Variants in USP32 observed in about 807,000 individuals in gnomAD.
USP32 encodes the protein ubiquitin carboxyl-terminal hydrolase 32.
USP32 carries 59 observed loss-of-function variants against 204.8 expected under a neutral mutation model. The ratio of observed to expected loss-of-function variants is 0.29; its 90% CI spans 0.23 to 0.36. The LOEUF is 0.36. Ranked by LOEUF, USP32 falls within the 10% of genes least tolerant of loss-of-function variation. The pLI is 1.00. For synonymous variants in USP32, 517 were observed against 678.4 expected (o/e 0.76, Z 3.70); for missense variants, 1,160 against 1,946.4 (o/e 0.60, Z 7.60).
In USP32 at chr17:60,219,447, T is replaced by A. The variant is rs1029406770; in HGVS notation, c.1867+223A>T. 2.6e-5 allele frequency: 14 copies of A among 537,946 alleles called. No individual in the cohort carries two copies. The African/African-American group carries it at 2.8e-4, about 11-fold the overall frequency. The allele number at this position is 537,946 out of a possible 1,614,324, so 33.3% of individuals were successfully genotyped here. A position where few individuals can be genotyped will look rare whatever the true frequency, so the allele number is the denominator to read the frequency against. On this transcript the variant is annotated intron_variant, in intron 16 of 33. Coordinates refer to ENST00000300896, the MANE Select transcript of USP32 (RefSeq NM_032582.4). ...TTTGCTTCAACCCCTCATCTAGTCT[T>A]GTGCATGACCATAGTTCTAAGCCCT... is the stretch of plus-strand genomic sequence containing the variant.
intron 20 of USP32, 43 bp from the exon 21 acceptor site, chr17:60,211,161 A>T: frequency 1.2e-6 from 2 of 1,600,206 alleles, no homozygotes; most frequent in Non-Finnish European, 1.7e-6. Context: ...GATTCTCATA[A>T]ATCACAATCA....
Position 60,256,508 on chromosome 17 carries a change from T to A in USP32, c.991-1250A>T, listed in dbSNP as rs567575133. 4.2e-5 allele frequency: 7 copies of A among 167,904 alleles called. No individual in the cohort carries two copies. The South Asian group carries it at 1.3e-3, about 32-fold the overall frequency. The allele number at this position is 167,904 out of a possible 1,614,324, so 10.4% of individuals were successfully genotyped here. A position where few individuals can be genotyped will look rare whatever the true frequency, so the allele number is the denominator to read the frequency against. On this transcript the variant is annotated intron_variant, in intron 9 of 33. Transcript: ENST00000300896. The stretch of plus-strand genomic sequence containing the variant: ...ATTCAATATCATTTTATTATAATGT[T>A]AATGGGGGAAAAAATGGATTCCCAG...
intron 2 of USP32, among the ~76,000 whole-genome samples, chr17:60,302,113 GTTTATTTATTTATTTATTTA>G (rs141481291): frequency 2.1e-5 from 3 of 141,526 alleles, no homozygotes; most frequent in Non-Finnish European, 4.5e-5. Context: ...TATTTTGTTT[GTTTATTTATTTATTTATTTA>G]TTTATTTATT....
chr17:60,404,201 G>A (rs2089958481), intron 1 of USP32, among the ~76,000 whole-genome samples: 1 of 152,130 alleles, frequency 6.6e-6, no homozygotes, highest in Non-Finnish European at 1.5e-5. Flanking sequence ...TTGAGGCTAG[G>A]TTTTAGAGAG....
rs1267738363 is a variant in USP32, at chr17:60,392,025, G to C, written c.-86C>G. On this transcript the variant is annotated 5_prime_UTR_variant, in exon 1 of 34. Transcript: ENST00000300896. Reference sequence around the variant, plus strand: ...CTTCTCCTCGGCGTCCCTGGGTGACGGTGACGGTGTCGGCGTCCCCCGCCC... The same window carrying C: ...CTTCTCCTCGGCGTCCCTGGGTGACCGTGACGGTGTCGGCGTCCCCCGCCC... 4.6e-5 allele frequency: 68 copies of C among 1,464,652 alleles called. No individual in the cohort carries two copies. Among genetic ancestry groups the C allele is most frequent in the Non-Finnish European group, 6.1e-5 (66 of 1,086,308 alleles). The allele number at this position is 1,464,652 out of a possible 1,614,324, so 90.7% of individuals were successfully genotyped here.
intron 16 of USP32, among the ~76,000 whole-genome samples, chr17:60,215,486 T>TA (rs869230888): frequency 0.011 from 1,544 of 139,998 alleles, 14 homozygotes; most frequent in African/African-American, 0.027. Context: ...AGGACAGAGT[T>TA]AAAAAAAAAA....
intron 2 of USP32, among the ~76,000 whole-genome samples, chr17:60,309,980 G>A (rs532991007): frequency 2.0e-5 from 3 of 152,148 alleles, no homozygotes; most frequent in Admixed American, 6.5e-5. Context: ...GGAGGTGGAG[G>A]TTGCAGTGAG....
chr17:60,395,015 A>G (rs2089891120), upstream of USP32, among the ~76,000 whole-genome samples: 1 of 152,204 alleles, frequency 6.6e-6, no homozygotes, highest in Non-Finnish European at 1.5e-5. Flanking sequence ...AAGTACTGGG[A>G]TTAGAGGCAC....
intron 5 of USP32, among the ~76,000 whole-genome samples, chr17:60,273,283 C>A (rs1345112020): frequency 6.6e-6 from 1 of 152,024 alleles, no homozygotes; most frequent in Non-Finnish European, 1.5e-5. Context: ...AGCCCAGATG[C>A]TAGGAAACTG....
At chr17:60,322,989 A>C (rs964919209) in intron 2 of USP32, among the ~76,000 whole-genome samples, 36 of 152,330 alleles carry the variant, frequency 2.4e-4, no homozygotes, top group South Asian at 2.1e-4. Context: ...ATAATAAAAA[A>C]CACAGATTAA....
intron 26 of USP32, among the ~76,000 whole-genome samples, chr17:60,201,097 A>G (rs1325807673): frequency 6.6e-6 from 1 of 152,136 alleles, no homozygotes; most frequent in East Asian, 1.9e-4. Context: ...GGCTCAAGCA[A>G]TCGGCCCACC....
intron 12 of USP32, among the ~76,000 whole-genome samples, chr17:60,229,091 T>C (rs1355122079): frequency 6.6e-6 from 1 of 152,208 alleles, no homozygotes; most frequent in Non-Finnish European, 1.5e-5. Flanking sequence ...AGGCTCTTTT[T>C]TTAATACAGG....
At chr17:60,308,695 A>C (rs1236370571) in intron 2 of USP32, among the ~76,000 whole-genome samples, 1 of 152,240 alleles carries the variant, frequency 6.6e-6, no homozygotes, top group Non-Finnish European at 1.5e-5. Context: ...TGGGAGGCTG[A>C]GGCAAGTGGA....
intron 27 of USP32, among the ~76,000 whole-genome samples, chr17:60,196,200 G>C (rs1297814173): frequency 6.6e-6 from 1 of 151,202 alleles, no homozygotes; most frequent in Non-Finnish European, 1.5e-5. Context: ...CTGGGAGGCA[G>C]AGGTGCAGTG....
intron 2 of USP32, among the ~76,000 whole-genome samples, chr17:60,332,187 G>A (rs1410654984): frequency 1.3e-5 from 2 of 152,114 alleles, no homozygotes; most frequent in African/African-American, 2.4e-5. Context: ...GAACCTGGGA[G>A]GTGGAGGTTG....
chr17:60,283,067 T>C (rs2087009730), intron 5 of USP32, among the ~76,000 whole-genome samples: 1 of 152,142 alleles, frequency 6.6e-6, no homozygotes, highest in African/African-American at 2.4e-5. Context: ...TAAAATAAAT[T>C]AACTCAAAGA....
rs546398174 is a variant in USP32, at chr17:60,322,834, A to G, written c.187-21130T>C. 2.2e-3 allele frequency among the ~76,000 whole-genome samples: 335 copies of G among 152,338 alleles called. 1 individual carries two copies. The highest frequency in any genetic ancestry group is 6.9e-3 in the African/African-American group (287 of 41,578). On this transcript the variant is annotated intron_variant, in intron 2 of 33. Coordinates refer to ENST00000300896, the MANE Select transcript of USP32 (RefSeq NM_032582.4). Reference sequence around the variant, plus strand: ...CCAATTATGCCAATTACAAATTTCCATATACATATACACCACATGAATGTA... The same window carrying G: ...CCAATTATGCCAATTACAAATTTCCGTATACATATACACCACATGAATGTA...
intron 2 of USP32, among the ~76,000 whole-genome samples, chr17:60,334,168 T>A (rs1185918427): frequency 6.6e-6 from 1 of 152,204 alleles, no homozygotes; most frequent in Non-Finnish European, 1.5e-5. Context: ...GGCCATGCAA[T>A]TACTATAGTA....
intron 1 of USP32, among the ~76,000 whole-genome samples, chr17:60,409,129 C>T (rs1445245570): frequency 1.3e-5 from 2 of 152,182 alleles, no homozygotes; most frequent in African/African-American, 4.8e-5. Flanking sequence ...GCACGGATCA[C>T]CTGAGGCCAG....
Sources: allele counts gnomAD v4.1 joint callset (sites outside exome capture counted in the v4.1 genomes callset), GRCh38; gene constraint gnomAD v4.1.1; transcripts MANE v1.5; gene names NCBI Gene and HGNC (gene_info 2026-07-23, HGNC 2026-07-21).